Variants in ENTPD5 observed in about 807,000 individuals in gnomAD.
ENTPD5 encodes nucleoside diphosphate phosphatase ENTPD5.
ENTPD5 carries 49 observed loss-of-function variants against 60.2 expected under a neutral mutation model. That is an observed-to-expected ratio of 0.81 (90% CI 0.65 to 1.03). The LOEUF (loss-of-function observed/expected upper bound fraction) is 1.03. Ranked by LOEUF, ENTPD5 falls within the 50% of genes least tolerant of loss-of-function variation. ENTPD5 has a pLI of 0.00. For missense variants in ENTPD5, 480 were observed against 507.6 expected, an observed-to-expected ratio of 0.95 and a Z score of 0.52; for synonymous variants, 187 against 185.4, an observed-to-expected ratio of 1.01 and a Z score of -0.07.
chr14:73,983,460 T>C (rs1030516061), intron 5 of ENTPD5, among the ~76,000 whole-genome samples: 1 of 151,494 alleles, frequency 6.6e-6, no homozygotes, highest in African/African-American at 2.4e-5. Context: ...CCATCTCCAC[T>C]AAAAAATACA....
chr14:73,969,467 G>A lies in ENTPD5; in HGVS notation c.1200+543C>T, dbSNP rs566652139. On this transcript the variant is annotated intron_variant, in intron 15 of 15. Coordinates refer to ENST00000334696, the MANE Select transcript of ENTPD5 (RefSeq NM_001249.5). ...CAGCACTTGGGAGTTCGAGGTGGGC[G>A]GATCACCTGAGGTCAGGAGTTCTCA... Among the ~76,000 whole-genome samples, 5 of 152,144 alleles carry A rather than the reference G, an allele frequency of 3.3e-5. No homozygotes were observed. The South Asian group carries it at 8.3e-4, about 25-fold the overall frequency.
At chr14:73,975,107 T>C in intron 10 of ENTPD5, 122 bp from the exon 11 acceptor site, 1 of 763,646 alleles carries the variant, frequency 1.3e-6, no homozygotes, top group South Asian at 1.7e-5. Flanking sequence ...TTGTTCTGTC[T>C]GTGACATATT....
chr14:73,958,621 C>T (rs1161649423), downstream of ENTPD5: 1 of 1,289,752 alleles, frequency 7.8e-7, no homozygotes, highest in East Asian at 4.0e-5. Flanking sequence ...ACAAGCTTCC[C>T]TTTTTGCATG....
In ENTPD5 at chr14:73,971,849, T is replaced by C; in HGVS notation, c.1084+3A>G. ...ACCTTCAAGGGCTTCCCCTGACACT[T>C]ACCTTCCCTGGCTTTTCTTTCAAAA... is the stretch of plus-strand genomic sequence containing the variant. On this transcript the variant is annotated splice_donor_region_variant and intron_variant, in intron 14 of 15. Coordinates refer to ENST00000334696, the MANE Select transcript of ENTPD5 (RefSeq NM_001249.5). The C allele has an allele frequency of 6.2e-7, 1 of 1,604,256 alleles. No individual in the cohort carries two copies. Among genetic ancestry groups the C allele is most frequent in the South Asian group, 1.1e-5 (1 of 90,874 alleles).
chr14:73,999,564 G>C (rs1038012965), intron 3 of ENTPD5, among the ~76,000 whole-genome samples: 9 of 152,192 alleles, frequency 5.9e-5, no homozygotes, highest in Middle Eastern at 3.4e-3. Context: ...GGGAGGCCAA[G>C]GTGGGCGGAT....
At chr14:73,991,504 C>A (rs1244505464) in intron 3 of ENTPD5, among the ~76,000 whole-genome samples, 1 of 149,536 alleles carries the variant, frequency 6.7e-6, no homozygotes, top group East Asian at 2.0e-4. Context: ...AGGAACATCA[C>A]TTGAACCCGG....
At chr14:73,977,983 T>C (rs925022079) in intron 6 of ENTPD5, among the ~76,000 whole-genome samples, 10 of 152,190 alleles carry the variant, frequency 6.6e-5, no homozygotes, top group African/African-American at 2.4e-4. Flanking sequence ...TGTTAATGTC[T>C]TATGTTTATA....
intron 3 of ENTPD5, among the ~76,000 whole-genome samples, chr14:73,999,394 A>G (rs1386026571): frequency 6.6e-6 from 1 of 152,036 alleles, no homozygotes; most frequent in East Asian, 1.9e-4. Flanking sequence ...AGACTGAGGA[A>G]CGAGAATTGC....
intron 2 of ENTPD5, 116 bp downstream of exon 2, chr14:74,015,708 G>A (rs1443027029): frequency 6.6e-6 from 1 of 151,686 alleles, no homozygotes; most frequent in Admixed American, 6.6e-5. Context: ...ATGGCTTGTT[G>A]GACAAAATTA....
intron 3 of ENTPD5, chr14:73,996,268 C>T (rs2058340513): frequency 8.2e-6 from 6 of 734,724 alleles, no homozygotes; most frequent in Non-Finnish European, 1.0e-5. Flanking sequence ...TAACTCACTC[C>T]CTTCTCTATC....
At chr14:73,993,636 G>T (rs1197242253) in intron 3 of ENTPD5, among the ~76,000 whole-genome samples, 2 of 152,098 alleles carry the variant, frequency 1.3e-5, no homozygotes, top group African/African-American at 4.8e-5. Flanking sequence ...ACTCGAAACA[G>T]AAACAACTCT....
chr14:73,997,572 A>G (rs1412906828), intron 3 of ENTPD5, among the ~76,000 whole-genome samples: 1 of 152,178 alleles, frequency 6.6e-6, no homozygotes, highest in Non-Finnish European at 1.5e-5. Context: ...CAGTAAGCTG[A>G]ACTATGGAAC....
At chr14:73,967,453 C>A (rs975776957) in intron 15 of ENTPD5, among the ~76,000 whole-genome samples, 4 of 152,174 alleles carry the variant, frequency 2.6e-5, no homozygotes, top group Non-Finnish European at 5.9e-5. Flanking sequence ...TAGGAAAGAA[C>A]AAACCAAGCT....
chr14:73,974,683 A>G (rs1046972419), intron 11 of ENTPD5, among the ~76,000 whole-genome samples: 1 of 152,236 alleles, frequency 6.6e-6, no homozygotes, highest in Non-Finnish European at 1.5e-5. Flanking sequence ...CTGCCTAGAC[A>G]TAGGCTGTTA....
downstream of ENTPD5, chr14:73,958,222 G>A (rs1163323718): frequency 6.2e-7 from 1 of 1,613,948 alleles, no homozygotes; most frequent in African/African-American, 1.3e-5. Flanking sequence ...GCCGACTCCA[G>A]CCCTTGGGTT....
At chr14:74,003,302 G>T (rs1010633868) in intron 3 of ENTPD5, 2 of 426,746 alleles carry the variant, frequency 4.7e-6, no homozygotes, top group African/African-American at 4.1e-5. Flanking sequence ...GAACCTAGAA[G>T]AGCGTCCAAG....
At chr14:73,979,501 T>G (rs1047514377) in intron 6 of ENTPD5, among the ~76,000 whole-genome samples, 18 of 150,004 alleles carry the variant, frequency 1.2e-4, no homozygotes, top group African/African-American at 3.7e-4. Flanking sequence ...AGACAGAATC[T>G]TGCTCTGTCA....
At chr14:73,972,037 T>C in intron 13 of ENTPD5, 129 bp from the exon 14 acceptor site, 1 of 686,324 alleles carries the variant, frequency 1.5e-6, no homozygotes, top group East Asian at 2.6e-5. Context: ...TTATTTACAA[T>C]CTATTCCATG....
rs1352927048 is a variant in ENTPD5, at chr14:74,008,379, ATTTT to A, written c.-71+2708_-71+2711del. Among the ~76,000 whole-genome samples, 4 of 149,834 alleles carry A rather than the reference ATTTT, an allele frequency of 2.7e-5. No individual in the cohort carries two copies. In the East Asian group the frequency reaches 7.8e-4, roughly 29 times the overall value. ...TATAGCCTTTTATTTTTTATTATTT[ATTTT>A]TTCTTTTTTCTTTTTTTTTTTTTGA... On this transcript the variant is annotated intron_variant, in intron 3 of 15. Transcript: ENST00000334696.
Sources: allele counts gnomAD v4.1 joint callset (sites outside exome capture counted in the v4.1 genomes callset), GRCh38; gene constraint gnomAD v4.1.1; transcripts MANE v1.5; gene names NCBI Gene and HGNC (gene_info 2026-07-23, HGNC 2026-07-21).